The following LMAN1 variants were observed in gnomAD, a reference collection of about 807,000 sequenced individuals.
LMAN1 encodes protein ERGIC-53.
LMAN1 carries 32 observed loss-of-function variants against 67.8 expected under a neutral mutation model. That is an observed-to-expected ratio of 0.47 (90% CI 0.36 to 0.63). LMAN1 has a LOEUF of 0.63. Ranked by LOEUF, LMAN1 falls within the 30% of genes least tolerant of loss-of-function variation. The probability of loss-of-function intolerance (pLI) is 0.00; values close to 1 mark genes in which losing one functional copy is unlikely to be tolerated. For synonymous variants in LMAN1, 235 were observed against 219.3 expected, an observed-to-expected ratio of 1.07 and a Z score of -0.63; for missense variants, 632 against 628.2, an observed-to-expected ratio of 1.01 and a Z score of -0.06.
At chr18:59,350,787 G>GC (rs1908527493) in intron 5 of LMAN1, among the ~76,000 whole-genome samples, 1 of 152,070 alleles carries the variant, frequency 6.6e-6, no homozygotes, top group African/African-American at 2.4e-5. Flanking sequence ...GAGCCACCGC[G>GC]CCCGGCCCCA....
At chr18:59,352,781 G>A (rs998358921) in intron 5 of LMAN1, 10 of 219,780 alleles carry the variant, frequency 4.6e-5, no homozygotes, top group South Asian at 2.8e-4. Flanking sequence ...TGTCTGCAAC[G>A]CAGCATTTAT....
intron 5 of LMAN1, among the ~76,000 whole-genome samples, chr18:59,352,173 A>T (rs1908558240): frequency 6.6e-6 from 1 of 152,162 alleles, no homozygotes; most frequent in South Asian, 2.1e-4. Context: ...GCTAACCTCA[A>T]TTTACCTACA....
chr18:59,357,138 G>A (rs527522863), intron 1 of LMAN1, among the ~76,000 whole-genome samples: 1 of 152,310 alleles, frequency 6.6e-6, no homozygotes, highest in African/African-American at 2.4e-5. Context: ...AGCAAGGGAT[G>A]TCTATAGCAG....
intron 8 of LMAN1, among the ~76,000 whole-genome samples, chr18:59,339,825 T>C (rs1272633132): frequency 1.3e-5 from 2 of 152,112 alleles, no homozygotes; most frequent in African/African-American, 4.8e-5. Context: ...TTCTTGCCCA[T>C]GCTGCTTGCC....
intron 1 of LMAN1, among the ~76,000 whole-genome samples, chr18:59,356,265 A>T (rs962228098): frequency 6.6e-6 from 1 of 152,200 alleles, no homozygotes; most frequent in African/African-American, 2.4e-5. Flanking sequence ...ATTCTTCAGA[A>T]GATTCTCAGA....
chr18:59,343,068 A>AT (rs1221542074), intron 8 of LMAN1, among the ~76,000 whole-genome samples: 19 of 151,714 alleles, frequency 1.3e-4, no homozygotes, highest in African/African-American at 4.6e-4. Context: ...AAAAAAAAAA[A>AT]ACACCTAGAA....
intron 8 of LMAN1, among the ~76,000 whole-genome samples, chr18:59,343,054 T>TAA (rs34207759): frequency 0.01 from 1,248 of 120,974 alleles, 18 homozygotes; most frequent in African/African-American, 0.02. Flanking sequence ...TTACAACAGC[T>TAA]AAAAAAAAAA....
intron 11 of LMAN1, among the ~76,000 whole-genome samples, chr18:59,331,912 A>C (rs1179909601): frequency 6.6e-6 from 1 of 152,184 alleles, no homozygotes; most frequent in African/African-American, 2.4e-5. Context: ...TTCATTCTCA[A>C]AAGTGTCCCA....
At chr18:59,331,716 T>C (rs1196884925) in intron 11 of LMAN1, 177 bp from the exon 12 acceptor site, 2 of 637,202 alleles carry the variant, frequency 3.1e-6, no homozygotes, top group Non-Finnish European at 5.3e-6. Flanking sequence ...AAGGAGTAGT[T>C]GACACTGGAA....
intron 10 of LMAN1, 89 bp from the exon 11 acceptor site, chr18:59,333,333 CTAATA>C (rs1347901716): frequency 7.7e-6 from 7 of 910,146 alleles, no homozygotes; most frequent in African/African-American, 3.5e-5. Flanking sequence ...CTTTTCAAGT[CTAATA>C]TATTACATCA....
chr18:59,335,887 T>C (rs1032207771), intron 10 of LMAN1, among the ~76,000 whole-genome samples: 1 of 152,226 alleles, frequency 6.6e-6, no homozygotes, highest in African/African-American at 2.4e-5. Flanking sequence ...AGCTAACAAT[T>C]TGAAACCACT....
At chr18:59,358,908 G>A (rs1054901447) in intron 1 of LMAN1, 123 bp downstream of exon 1, 1 of 994,242 alleles carries the variant, frequency 1.0e-6, no homozygotes, top group Admixed American at 1.9e-5. Context: ...CCCCTCCACA[G>A]CGCATATGGT....
Position 59,338,874 on chromosome 18 carries a change from G to A in LMAN1, c.1035C>T (p.Ile345=). 1 of 1,613,694 alleles carries A rather than the reference G, an allele frequency of 6.2e-7. No homozygotes were observed. The change falls in exon 9 of 13, where the codon ATC becomes ATT. Residue 345 remains isoleucine (I), a synonymous_variant. Transcript: ENST00000251047. ...TATCTAACTGCCGGTTCAGCTGCTT[G>A]ATTTCAAGATGAATACGATTCTGTC... ...FEGQNRIHLE[I]KQLNRQLDMI...
chr18:59,331,675 T>C, intron 11 of LMAN1, 136 bp from the exon 12 acceptor site: 1 of 953,408 alleles, frequency 1.0e-6, no homozygotes. Flanking sequence ...AAACCTTCTA[T>C]CCCCTTAACT....
intron 10 of LMAN1, among the ~76,000 whole-genome samples, chr18:59,336,331 T>A (rs1908146970): frequency 2.0e-5 from 3 of 152,190 alleles, no homozygotes. Context: ...GTACCATAAA[T>A]TTTTAAAATG....
chr18:59,342,656 A>G (rs1167465985), intron 8 of LMAN1, among the ~76,000 whole-genome samples: 1 of 151,514 alleles, frequency 6.6e-6, no homozygotes, highest in Non-Finnish European at 1.5e-5. Context: ...ACACCTCAAC[A>G]TTAGGCCACA....
chr18:59,352,922 C>CCTAT (rs764166780), intron 5 of LMAN1: 107 of 372,280 alleles, frequency 2.9e-4, no homozygotes, highest in African/African-American at 1.1e-3. Context: ...TATCTATCTA[C>CCTAT]CTATCTATCT....
chr18:59,338,977 G>C (rs1332983494), intron 8 of LMAN1, 24 bp from the exon 9 acceptor site: 1 of 1,596,348 alleles, frequency 6.3e-7, no homozygotes, highest in South Asian at 1.1e-5. Flanking sequence ...AAATAAAAAT[G>C]ATCAGAGTCA....
intron 8 of LMAN1, 86 bp from the exon 9 acceptor site, chr18:59,339,039 T>C (rs1603394337): frequency 1.8e-6 from 2 of 1,099,368 alleles, no homozygotes; most frequent in South Asian, 2.5e-5. Flanking sequence ...GTGCCAACAT[T>C]CAGCAAAATT....
Sources: gnomAD v4.1 joint callset for allele counts (sites outside exome capture counted in the v4.1 genomes callset) on GRCh38, gnomAD v4.1.1 for gene constraint, MANE v1.5 for transcripts, NCBI Gene and HGNC (gene_info 2026-07-23, HGNC 2026-07-21) for gene names.